NXPH3: variants seen among roughly 807,000 people sequenced by gnomAD.
The protein encoded by NXPH3 is neurexophilin-3.
Under a neutral mutation model 18.8 loss-of-function variants are expected in NXPH3, and 7 were observed. The observed-to-expected ratio is 0.37, with a 90% confidence interval of 0.21 to 0.70. NXPH3 has a LOEUF of 0.70. Ranked by LOEUF, NXPH3 falls within the 30% of genes least tolerant of loss-of-function variation. NXPH3 has a pLI of 0.53. For missense variants in NXPH3, 282 were observed against 338.1 expected, an observed-to-expected ratio of 0.83 and a Z score of 1.30; for synonymous variants, 101 against 137.3, an observed-to-expected ratio of 0.74 and a Z score of 1.85.
At position 49,576,793 on chromosome 17, in the gene NXPH3, G is replaced by C. The variant is rs2071573616; in HGVS notation, c.54+520G>C. Among the ~76,000 whole-genome samples, 5 of 115,066 alleles carry C rather than the reference G, an allele frequency of 4.3e-5. 1 individual carries two copies. The South Asian group carries it at 1.6e-3, about 36-fold the overall frequency. 75.5% of individuals were successfully genotyped at this position (115,066 alleles called of 152,430 possible). A position where few individuals can be genotyped will look rare whatever the true frequency, so the allele number is the denominator to read the frequency against. ...GCCTGTTGTTTTCCTCTGCTCTCCC[G>C]GCTGCGCGCAGCCGGAGCCCCACAG... On this transcript the variant is annotated intron_variant, in intron 1 of 1. Transcript: ENST00000328741.
chr17:49,581,960 T>C lies in NXPH3; in HGVS notation c.*2660T>C. 3.3e-6 allele frequency: 2 copies of C among 598,854 alleles called. No homozygotes were observed. Among genetic ancestry groups the C allele is most frequent in the South Asian group, 3.9e-5 (2 of 50,910 alleles). The allele number at this position is 598,854 out of a possible 1,614,324, so 37.1% of individuals were successfully genotyped here. Reference sequence around the variant, plus strand: ...CACCCTCATGCACACTGCCGCCTCATCCCTCCTTTCCACCTTCCCCAGTAG... The same window carrying C: ...CACCCTCATGCACACTGCCGCCTCACCCCTCCTTTCCACCTTCCCCAGTAG... On this transcript the variant is annotated 3_prime_UTR_variant, in exon 2 of 2. Coordinates refer to ENST00000328741, the MANE Select transcript of NXPH3 (RefSeq NM_007225.4).
rs1567759456 is a variant in NXPH3, at chr17:49,579,150, C to T, written c.609C>T (p.His203=). ...CAGCCAAGATCTGCTCCCGAGACCA[C>T]GCTCAGAGCTCAGCCACCTGGAGCT... ...HDPAKICSRD[H]AQSSATWSCS... Residue 203 remains histidine, a synonymous_variant, in exon 2 of 2, where the codon CAC becomes CAT. Transcript: ENST00000328741. This position sits in a 1 kb window ranked among gnomAD's most constrained non-coding sequence, Gnocchi z 6.0. 2.5e-6 allele frequency: 4 copies of T among 1,613,748 alleles called. No individual in the cohort carries two copies. Among genetic ancestry groups the T allele is most frequent in the East Asian group, 4.5e-5 (2 of 44,890 alleles).
At position 49,579,627 on chromosome 17, in the gene NXPH3, C is replaced by T. The variant is rs906037836; in HGVS notation, c.*327C>T. 1 of 328,332 alleles carries T rather than the reference C, an allele frequency of 3.0e-6. No individual in the cohort carries two copies. Among genetic ancestry groups the T allele is most frequent in the Admixed American group, 4.5e-5 (1 of 22,314 alleles). 20.3% of individuals were successfully genotyped at this position (328,332 alleles called of 1,614,324 possible). On this transcript the variant is annotated 3_prime_UTR_variant, in exon 2 of 2. Transcript: ENST00000328741. This position sits in a 1 kb window ranked among gnomAD's most constrained non-coding sequence, Gnocchi z 6.0. ...CCTGTGGGCAGGCCGATCAGTGTGG[C>T]CCCAGATCAAGTCATGGGAGGAAGC...
In NXPH3 at chr17:49,583,484, C is replaced by T. The variant is rs1343119133; in HGVS notation, c.*4184C>T. 2 of 152,232 alleles carry T rather than the reference C, an allele frequency of 1.3e-5. No individual in the cohort carries two copies. The allele number at this position is 152,232 out of a possible 1,614,324, so 9.4% of individuals were successfully genotyped here. A position where few individuals can be genotyped will look rare whatever the true frequency, so the allele number is the denominator to read the frequency against. ...TTGTGATTCCATAGGGCCCCTGTCT[C>T]CTGTTGGTCTCCCAGGCTCAAAGGC... On this transcript the variant is annotated 3_prime_UTR_variant, in exon 2 of 2. Coordinates refer to ENST00000328741, the MANE Select transcript of NXPH3 (RefSeq NM_007225.4).
Position 49,576,268 on chromosome 17 carries a change from T to C in NXPH3, c.49T>C (p.Tyr17His). 6.4e-7 allele frequency: 1 copy of C among 1,567,026 alleles called. No individual in the cohort carries two copies. Among genetic ancestry groups the C allele is most frequent in the East Asian group, 2.4e-5 (1 of 42,170 alleles). The change falls in exon 1 of 2, where the codon TAT becomes CAT. Residue 17 changes from tyrosine (Y) to histidine (H), a missense_variant. Coordinates refer to ENST00000328741, the MANE Select transcript of NXPH3 (RefSeq NM_007225.4). ...CGTGTTCCTGGTGCAGGGTAGCCTC[T>C]ATCTGGTGAGTGGTCCGAGGGGAGC... ...CFVFLVQGSL[Y>H]LVICGQDDGP...
In NXPH3 at chr17:49,578,771, G is replaced by T. The variant is rs1416435761; in HGVS notation, c.230G>T (p.Gly77Val). The T allele has an allele frequency of 5.6e-6, 9 of 1,613,678 alleles. No individual in the cohort carries two copies. The highest frequency in any genetic ancestry group is 7.6e-6 in the Non-Finnish European group (9 of 1,179,948). ...GLLAPPGEAW[G>V]ILGQPPNRPN... Reference sequence around the variant, plus strand: ...CTGGCCCCGCCTGGGGAGGCTTGGGGCATTCTTGGGCAGCCCCCCAACCGC... The same window carrying T: ...CTGGCCCCGCCTGGGGAGGCTTGGGTCATTCTTGGGCAGCCCCCCAACCGC... Residue 77 changes from glycine (G) to valine (V), a missense_variant, in exon 2 of 2, where the codon GGC (glycine) becomes GTC (valine). By Grantham distance (109) the Gly-to-Val change is moderately radical (BLOSUM62 -3). Transcript: ENST00000328741. This position sits in a 1 kb window ranked among gnomAD's most constrained non-coding sequence, Gnocchi z 4.5.
rs757754762 is a variant in NXPH3 at position 49,578,810 on chromosome 17, C to A, written c.269C>A (p.Pro90His). 7.4e-6 allele frequency: 12 copies of A among 1,614,012 alleles called. No homozygotes were observed. The highest frequency in any genetic ancestry group is 9.3e-6 in the Non-Finnish European group (11 of 1,179,976). ...CCCCCCAACCGCCCGAACCACAGCC[C>A]CCCACCCTCAGCCAAGGTGAAGAAA... ...GQPPNRPNHS[P>H]PPSAKVKKIF... Residue 90 changes from proline to histidine, a missense_variant, in exon 2 of 2, where the codon CCC (proline) becomes CAC (histidine). Transcript: ENST00000328741. The surrounding 1 kb of genome is among the most constrained non-coding windows in gnomAD (Gnocchi z 4.5).
chr17:49,579,121 G>T lies in NXPH3; in HGVS notation c.580G>T (p.Asp194Tyr). Reference protein sequence around the residue: ...RGRRTSLCTHDPAKICSRDHA... With the variant: ...RGRRTSLCTHYPAKICSRDHA... The stretch of plus-strand genomic sequence containing the variant: ...CCGCCGGACCTCGCTTTGCACCCAC[G>T]ACCCAGCCAAGATCTGCTCCCGAGA... Residue 194 changes from aspartate (D) to tyrosine (Y), a missense_variant, in exon 2 of 2, where the codon GAC becomes TAC. Physicochemically the swap from Asp to Tyr is radical, Grantham distance 160. Coordinates refer to ENST00000328741, the MANE Select transcript of NXPH3 (RefSeq NM_007225.4). This position sits in a 1 kb window ranked among gnomAD's most constrained non-coding sequence, Gnocchi z 6.0. The T allele has an allele frequency of 6.2e-7, 1 of 1,613,958 alleles. No homozygotes were observed. Among genetic ancestry groups the T allele is most frequent in the Non-Finnish European group, 8.5e-7 (1 of 1,180,022 alleles).
chr17:49,582,001 C>G lies in NXPH3; in HGVS notation c.*2701C>G. ...TCCCCAGTAGCCTGGCTGCTCTCCT[C>G]AGCTAGGACTTCGCTAACAGATTTC... is the stretch of plus-strand genomic sequence containing the variant. On this transcript the variant is annotated 3_prime_UTR_variant, in exon 2 of 2. Transcript: ENST00000328741. 1 of 594,496 alleles carries G rather than the reference C, an allele frequency of 1.7e-6. No individual in the cohort carries two copies. The highest frequency in any genetic ancestry group is 2.0e-5 in the South Asian group (1 of 49,710). The allele number at this position is 594,496 out of a possible 1,614,324, so 36.8% of individuals were successfully genotyped here. A position where few individuals can be genotyped will look rare whatever the true frequency, so the allele number is the denominator to read the frequency against.
Position 49,582,209 on chromosome 17 carries a change from G to A in NXPH3, c.*2909G>A, listed in dbSNP as rs939994130. On this transcript the variant is annotated 3_prime_UTR_variant, in exon 2 of 2. Coordinates refer to ENST00000328741, the MANE Select transcript of NXPH3 (RefSeq NM_007225.4). ...GGTGATGCCCCCCCACCATCACGAC[G>A]AAGTGCGCTGGCCTCCCACTCTTGC... 8.4e-5 allele frequency: 29 copies of A among 346,246 alleles called. No individual in the cohort carries two copies. The Admixed American group carries it at 8.4e-4, about 10-fold the overall frequency. The allele number at this position is 346,246 out of a possible 1,614,324, so 21.4% of individuals were successfully genotyped here. A position where few individuals can be genotyped will look rare whatever the true frequency, so the allele number is the denominator to read the frequency against.
Position 49,581,683 on chromosome 17 carries a change from C to A in NXPH3, c.*2383C>A. The stretch of plus-strand genomic sequence containing the variant: ...GAGCAGCCCACCAATGGACACCCAC[C>A]GTGTGCCGTTCAGCCTCCCACAGTG... On this transcript the variant is annotated 3_prime_UTR_variant, in exon 2 of 2. Coordinates refer to ENST00000328741, the MANE Select transcript of NXPH3 (RefSeq NM_007225.4). The A allele has an allele frequency of 8.5e-6, 6 of 702,618 alleles. No homozygotes were observed. Among genetic ancestry groups the A allele is most frequent in the Non-Finnish European group, 1.6e-5 (6 of 385,006 alleles). 43.5% of individuals were successfully genotyped at this position (702,618 alleles called of 1,614,324 possible).
intron 1 of NXPH3, among the ~76,000 whole-genome samples, chr17:49,576,886 C>T (rs1189950896): frequency 1.3e-5 from 2 of 152,022 alleles, no homozygotes; most frequent in Non-Finnish European, 2.9e-5. Flanking sequence ...AGCCCGCTCC[C>T]CGTGCGCCGG....
In NXPH3 at chr17:49,579,513, T is replaced by A. The variant is rs1567759628; in HGVS notation, c.*213T>A. 1 of 578,880 alleles carries A rather than the reference T, an allele frequency of 1.7e-6. No homozygotes were observed. The highest frequency in any genetic ancestry group is 3.0e-5 in the Admixed American group (1 of 32,794). The allele number at this position is 578,880 out of a possible 1,614,324, so 35.9% of individuals were successfully genotyped here. On this transcript the variant is annotated 3_prime_UTR_variant, in exon 2 of 2. Transcript: ENST00000328741. This position sits in a 1 kb window ranked among gnomAD's most constrained non-coding sequence, Gnocchi z 6.0. The stretch of plus-strand genomic sequence containing the variant: ...AACCTGAAGCTGTGGAGTGACTAGA[T>A]CACAGGAGCACTGGAGGAGGAGTGG...
In NXPH3 at chr17:49,579,127, G is replaced by A. The variant is rs1441128123; in HGVS notation, c.586G>A (p.Ala196Thr). The A allele has an allele frequency of 3.1e-6, 5 of 1,613,868 alleles. No individual in the cohort carries two copies. The Admixed American group carries it at 8.3e-5, about 27-fold the overall frequency. The stretch of plus-strand genomic sequence containing the variant: ...GACCTCGCTTTGCACCCACGACCCA[G>A]CCAAGATCTGCTCCCGAGACCACGC... ...RRTSLCTHDPAKICSRDHAQS... is the reference protein window; with the variant it reads ...RRTSLCTHDPTKICSRDHAQS... Residue 196 changes from alanine to threonine, a missense_variant, in exon 2 of 2, where the codon GCC becomes ACC. By Grantham distance (58) the Ala-to-Thr change is moderately conservative (BLOSUM62 0). Transcript: ENST00000328741. This position sits in a 1 kb window ranked among gnomAD's most constrained non-coding sequence, Gnocchi z 6.0.
At chr17:49,576,554 G>A (rs1013605449) in intron 1 of NXPH3, among the ~76,000 whole-genome samples, 1 of 152,048 alleles carries the variant, frequency 6.6e-6, no homozygotes, top group Non-Finnish European at 1.5e-5. Flanking sequence ...GGGTCGCCAG[G>A]GTTACCCTAC....
At position 49,578,603 on chromosome 17, in the gene NXPH3, G is replaced by A. The variant is rs763854274; in HGVS notation, c.62G>A (p.Cys21Tyr). 7 of 1,557,870 alleles carry A rather than the reference G, an allele frequency of 4.5e-6. No individual in the cohort carries two copies. In the Admixed American group the frequency reaches 1.1e-4, roughly 25 times the overall value. Residue 21 changes from cysteine to tyrosine, a missense_variant, in exon 2 of 2, where the codon TGT (cysteine) becomes TAT (tyrosine). Cys to Tyr is a radical substitution (Grantham distance 194). Coordinates refer to ENST00000328741, the MANE Select transcript of NXPH3 (RefSeq NM_007225.4). The surrounding 1 kb of genome is among the most constrained non-coding windows in gnomAD (Gnocchi z 4.5). ...LVQGSLYLVICGQDDGPPGSE... is the reference protein window; with the variant it reads ...LVQGSLYLVIYGQDDGPPGSE... ...TCACAACTCCCTCCATAGGTCATCT[G>A]TGGCCAGGATGATGGTCCTCCCGGC...
Position 49,579,179 on chromosome 17 carries a change from C to CTGGGA in NXPH3, c.638_639insTGGGA (p.Gln214GlyfsTer112). The CTGGGA allele has an allele frequency of 1.2e-6, 2 of 1,612,854 alleles. No homozygotes were observed. Among genetic ancestry groups the CTGGGA allele is most frequent in the Non-Finnish European group, 1.7e-6 (2 of 1,180,046 alleles). On this transcript the variant is annotated frameshift_variant, in exon 2 of 2. Coordinates refer to ENST00000328741, the MANE Select transcript of NXPH3 (RefSeq NM_007225.4). LOFTEE classifies it high-confidence loss of function. This position sits in a 1 kb window ranked among gnomAD's most constrained non-coding sequence, Gnocchi z 6.0. ...CAGAGCTCAGCCACCTGGAGCTGCT[C>CTGGGA]CCAGCCCTTCAAAGTCGTCTGTGTC...
chr17:49,582,197 C>T lies in NXPH3; in HGVS notation c.*2897C>T. The T allele has an allele frequency of 2.7e-6, 1 of 374,496 alleles. No homozygotes were observed. The highest frequency in any genetic ancestry group is 4.6e-5 in the East Asian group (1 of 21,792). The allele number at this position is 374,496 out of a possible 1,614,324, so 23.2% of individuals were successfully genotyped here. On this transcript the variant is annotated 3_prime_UTR_variant, in exon 2 of 2. Transcript: ENST00000328741. ...CAGTGTCCCCATGGTGATGCCCCCC[C>T]ACCATCACGACGAAGTGCGCTGGCC...
In NXPH3 at chr17:49,581,685, T is replaced by G. The variant is rs2071601252; in HGVS notation, c.*2385T>G. The G allele has an allele frequency of 2.8e-6, 2 of 702,462 alleles. No homozygotes were observed. Among genetic ancestry groups the G allele is most frequent in the African/African-American group, 3.5e-5 (2 of 57,258 alleles). The allele number at this position is 702,462 out of a possible 1,614,324, so 43.5% of individuals were successfully genotyped here. ...GCAGCCCACCAATGGACACCCACCG[T>G]GTGCCGTTCAGCCTCCCACAGTGCT... On this transcript the variant is annotated 3_prime_UTR_variant, in exon 2 of 2. Coordinates refer to ENST00000328741, the MANE Select transcript of NXPH3 (RefSeq NM_007225.4).
Sources: gnomAD v4.1 joint callset for allele counts (sites outside exome capture counted in the v4.1 genomes callset) on GRCh38, gnomAD v4.1.1 for gene constraint, Gnocchi (gnomAD v3.1) non-coding constraint, MANE v1.5 for transcripts, NCBI Gene and HGNC (gene_info 2026-07-23, HGNC 2026-07-21) for gene names.